SLC2A9: variants seen among roughly 807,000 people sequenced by gnomAD.
The protein encoded by SLC2A9 is solute carrier family 2 member 9, also known as solute carrier family 2, facilitated glucose transporter member 9.
A neutral mutation model predicts 50.6 loss-of-function variants in SLC2A9; 39 were observed. The ratio of observed to expected loss-of-function variants is 0.77; its 90% CI spans 0.60 to 1.01. The LOEUF (loss-of-function observed/expected upper bound fraction) is 1.01. Among genes scored for constraint, SLC2A9 ranks in the 50% least tolerant of loss-of-function variants. SLC2A9 has a pLI of 0.00. For missense variants in SLC2A9, 686 were observed against 677.6 expected (o/e 1.01, Z -0.14); for synonymous variants, 324 against 276.9 (o/e 1.17, Z -1.69).
At chr4:9,788,321 C>G (rs1719481977) in intron 3 of SLC2A9, among the ~76,000 whole-genome samples, 1 of 151,050 alleles carries the variant, frequency 6.6e-6, no homozygotes, top group Non-Finnish European at 1.5e-5. Flanking sequence ...TCCCAAGTAG[C>G]TGGGACCAAA....
intron 2 of SLC2A9, among the ~76,000 whole-genome samples, chr4:10,003,408 C>T (rs1306675572): frequency 1.3e-5 from 2 of 152,218 alleles, no homozygotes; most frequent in Non-Finnish European, 2.9e-5. Flanking sequence ...AGCTCACCCA[C>T]TACCAAGCAT....
chr4:9,782,281 C>T (rs2227848), intron 3 of SLC2A9: 154 of 1,613,842 alleles, frequency 9.5e-5, no homozygotes, highest in Non-Finnish European at 1.2e-4. Context: ...TGTCTCTGGC[C>T]GTGTCAGACC....
chr4:9,847,255 G>T (rs1384543878), intron 10 of SLC2A9, among the ~76,000 whole-genome samples: 1 of 152,232 alleles, frequency 6.6e-6, no homozygotes, highest in East Asian at 1.9e-4. Flanking sequence ...TATGATCATG[G>T]TGGAAAGGGA....
At chr4:9,805,256 G>T (rs1721969008) in intron 3 of SLC2A9, among the ~76,000 whole-genome samples, 1 of 152,224 alleles carries the variant, frequency 6.6e-6, no homozygotes, top group South Asian at 2.1e-4. Flanking sequence ...CCTCTCCATG[G>T]GACGCTGCTG....
intron 1 of SLC2A9, among the ~76,000 whole-genome samples, chr4:10,032,219 G>C (rs1309560225): frequency 6.6e-6 from 1 of 152,174 alleles, no homozygotes. Context: ...AAGGTGATGA[G>C]AGAGGCAATA....
At chr4:9,949,099 G>A (rs754472998) in intron 5 of SLC2A9, among the ~76,000 whole-genome samples, 16 of 152,098 alleles carry the variant, frequency 1.1e-4, no homozygotes, top group African/African-American at 2.9e-4. Context: ...ATTCCCTCCC[G>A]TGGATGACTT....
chr4:10,018,806 T>C (rs1053105045), intron 2 of SLC2A9, among the ~76,000 whole-genome samples, 169 bp downstream of exon 2: 1 of 152,076 alleles, frequency 6.6e-6, no homozygotes, highest in Non-Finnish European at 1.5e-5. Flanking sequence ...GTGTCATCAT[T>C]GTCTGTCTCT....
intron 5 of SLC2A9, among the ~76,000 whole-genome samples, chr4:9,942,694 C>A (rs1392686048): frequency 2.6e-5 from 4 of 152,218 alleles, no homozygotes; most frequent in African/African-American, 9.6e-5. Context: ...GCACTCCAAG[C>A]AGTGACATCC....
At chr4:9,835,077 A>C in intron 10 of SLC2A9, 69 bp from the exon 11 acceptor site, 6 of 1,608,130 alleles carry the variant, frequency 3.7e-6, no homozygotes, top group Non-Finnish European at 5.1e-6. Context: ...ATCCATCTCC[A>C]TCTGCCACAC....
chr4:9,925,958 A>T (rs937694009), intron 6 of SLC2A9, among the ~76,000 whole-genome samples: 5 of 152,164 alleles, frequency 3.3e-5, no homozygotes, highest in Non-Finnish European at 5.9e-5. Flanking sequence ...AGAGCACAGC[A>T]GAGTGACAGA....
At chr4:9,964,340 T>C (rs1316930691) in intron 5 of SLC2A9, among the ~76,000 whole-genome samples, 1 of 152,164 alleles carries the variant, frequency 6.6e-6, no homozygotes, top group Non-Finnish European at 1.5e-5. Flanking sequence ...GGTTGTTATT[T>C]AAAGGAGTTC....
At chr4:9,946,101 GC>G (rs1165998641) in intron 5 of SLC2A9, among the ~76,000 whole-genome samples, 2 of 152,188 alleles carry the variant, frequency 1.3e-5, no homozygotes, top group Non-Finnish European at 2.9e-5. Context: ...GTTTGGTAAA[GC>G]CCTAGAGCGT....
chr4:9,863,861 A>G (rs1157755664), intron 10 of SLC2A9, among the ~76,000 whole-genome samples: 1 of 152,092 alleles, frequency 6.6e-6, no homozygotes, highest in Non-Finnish European at 1.5e-5. Flanking sequence ...CAAGAAGTCG[A>G]GTTGATGTAT....
chr4:10,011,429 C>T (rs1761745876), intron 2 of SLC2A9, among the ~76,000 whole-genome samples: 1 of 152,214 alleles, frequency 6.6e-6, no homozygotes, highest in African/African-American at 2.4e-5. Context: ...GGACATCTTT[C>T]AGCACAACTC....
At chr4:9,813,340 T>C (rs371440644) in intron 3 of SLC2A9, among the ~76,000 whole-genome samples, 1 of 152,178 alleles carries the variant, frequency 6.6e-6, no homozygotes, top group East Asian at 1.9e-4. Context: ...CTCTGAATAT[T>C]CCATTTACTT....
At chr4:9,865,688 G>T (rs1246041777) in intron 10 of SLC2A9, among the ~76,000 whole-genome samples, 1 of 152,226 alleles carries the variant, frequency 6.6e-6, no homozygotes. Flanking sequence ...CATGGCTGGA[G>T]GTGTAGCCTG....
chr4:9,863,088 C>T (rs931322035), intron 10 of SLC2A9, among the ~76,000 whole-genome samples: 3 of 151,992 alleles, frequency 2.0e-5, no homozygotes, highest in African/African-American at 7.3e-5. Context: ...AGAAATGTCT[C>T]TGACTCTACT....
At chr4:9,827,738 C>G (rs1433579713) in intron 11 of SLC2A9, among the ~76,000 whole-genome samples, 2 of 152,140 alleles carry the variant, frequency 1.3e-5, no homozygotes, top group Non-Finnish European at 2.9e-5. Context: ...TGTTCCACAC[C>G]TGGGGGTGCT....
At chr4:9,821,106 A>G (rs547743614) in intron 3 of SLC2A9, among the ~76,000 whole-genome samples, 5 of 152,258 alleles carry the variant, frequency 3.3e-5, no homozygotes, top group Admixed American at 3.3e-4. Flanking sequence ...GCTTTTTTCA[A>G]TTCCTGGTTT....
Sources: allele counts gnomAD v4.1 joint callset (sites outside exome capture counted in the v4.1 genomes callset), GRCh38; gene constraint gnomAD v4.1.1; transcripts MANE v1.5; gene names NCBI Gene and HGNC (gene_info 2026-07-23, HGNC 2026-07-21).